The following ME1 variants were observed in gnomAD, a reference collection of about 807,000 sequenced individuals.
ME1 encodes malic enzyme 1.
A neutral mutation model predicts 66.4 loss-of-function variants in ME1; 74 were observed. That is an observed-to-expected ratio of 1.11 (90% CI 0.92 to 1.35). The LOEUF is 1.35. Among genes scored for constraint, ME1 ranks in the 40% most tolerant of loss-of-function variants. The probability of loss-of-function intolerance (pLI) is 0.00; values close to 1 mark genes in which losing one functional copy is unlikely to be tolerated. For missense variants in ME1, 750 were observed against 694.1 expected (o/e 1.08, Z -0.90); for synonymous variants, 251 against 235.6 (o/e 1.07, Z -0.60).
chr6:83,242,134 A>C (rs962672635), intron 7 of ME1, among the ~76,000 whole-genome samples: 3 of 152,224 alleles, frequency 2.0e-5, no homozygotes, highest in African/African-American at 7.2e-5. Flanking sequence ...AAGTGCTGGG[A>C]TTACAGGCGT....
intron 5 of ME1, among the ~76,000 whole-genome samples, chr6:83,341,632 A>G (rs1768587752): frequency 6.6e-6 from 1 of 152,202 alleles, no homozygotes; most frequent in African/African-American, 2.4e-5. Context: ...TTTATTTAAA[A>G]AGACAAGATA....
intron 2 of ME1, among the ~76,000 whole-genome samples, chr6:83,406,740 A>T (rs1170033106): frequency 6.6e-6 from 1 of 152,132 alleles, no homozygotes; most frequent in Non-Finnish European, 1.5e-5. Context: ...AATAAATCAG[A>T]TTACCCTCCA....
Position 83,230,925 on chromosome 6 carries a change from T to G in ME1, c.1027-1994A>C, listed in dbSNP as rs543140851. 2.0e-3 allele frequency among the ~76,000 whole-genome samples: 306 copies of G among 152,060 alleles called. 2 individuals carry two copies. Among genetic ancestry groups the G allele is most frequent in the Non-Finnish European group, 3.9e-3 (262 of 67,986 alleles). ...TCCAGCCTGGGCGACAGCGAGACTC[T>G]GTCTCAAAAAAATAAAAAATAAAAA... On this transcript the variant is annotated intron_variant, in intron 9 of 13. Transcript: ENST00000369705.
At chr6:83,272,403 G>T (rs1477930178) in intron 6 of ME1, among the ~76,000 whole-genome samples, 2 of 152,056 alleles carry the variant, frequency 1.3e-5, no homozygotes, top group Non-Finnish European at 2.9e-5. Context: ...AAGTGTTACA[G>T]AAGATAATTT....
intron 6 of ME1, among the ~76,000 whole-genome samples, chr6:83,282,666 A>G (rs947193236): frequency 3.2e-4 from 49 of 152,142 alleles, no homozygotes; most frequent in Non-Finnish European, 1.0e-4. Context: ...TGGTGGGAGT[A>G]TAAGTTAGTT....
At chr6:83,307,802 G>A (rs1767854061) in intron 6 of ME1, among the ~76,000 whole-genome samples, 1 of 151,968 alleles carries the variant, frequency 6.6e-6, no homozygotes. Flanking sequence ...CTATCTAACT[G>A]CAACCCTGAA....
At chr6:83,370,415 G>A (rs1769173465) in intron 3 of ME1, among the ~76,000 whole-genome samples, 1 of 152,104 alleles carries the variant, frequency 6.6e-6, no homozygotes, top group Admixed American at 6.6e-5. Context: ...CATATTTAAT[G>A]GGACAGATGA....
At chr6:83,275,464 C>CTTTTTT (rs767009219) in intron 6 of ME1, among the ~76,000 whole-genome samples, 1 of 119,722 alleles carries the variant, frequency 8.4e-6, no homozygotes, top group Non-Finnish European at 1.7e-5. Context: ...TAGTTTTGAT[C>CTTTTTT]TTTTTTTTTT....
At chr6:83,233,556 A>T (rs1790341453) in intron 9 of ME1, among the ~76,000 whole-genome samples, 2 of 152,088 alleles carry the variant, frequency 1.3e-5, no homozygotes, top group Admixed American at 1.3e-4. Context: ...TGGAATAATA[A>T]TTATCTAGCG....
chr6:83,376,804 C>CAAAAAAA (rs70987750), intron 3 of ME1, among the ~76,000 whole-genome samples: 6 of 87,124 alleles, frequency 6.9e-5, no homozygotes, highest in African/African-American at 1.6e-4. Context: ...CCCTGTCTCA[C>CAAAAAAA]AAAAAAAAAA....
At chr6:83,282,808 A>C (rs1767322194) in intron 6 of ME1, among the ~76,000 whole-genome samples, 1 of 152,196 alleles carries the variant, frequency 6.6e-6, no homozygotes, top group Non-Finnish European at 1.5e-5. Context: ...ACACATGCAC[A>C]TGTATGTTTG....
In ME1 at chr6:83,255,159, TTTTG is replaced by T. The variant is rs199657591; in HGVS notation, c.705-1425_705-1422del. On this transcript the variant is annotated intron_variant, in intron 6 of 13. Transcript: ENST00000369705. ...ACAGGTGAAAACTGGTGTTAACGTT[TTTTG>T]TTTGTTTGTTTGTTTTATTACTAGT... Among the ~76,000 whole-genome samples the T allele has an allele frequency of 1.3e-3, 199 of 152,118 alleles. 1 individual carries two copies. The highest frequency in any genetic ancestry group is 3.3e-3 in the African/African-American group (139 of 41,554).
Position 83,227,301 on chromosome 6 carries a change from GATT to G in ME1, c.1275+31_1275+33del, listed in dbSNP as rs749126836. The G allele has an allele frequency of 1.1e-5, 15 of 1,409,140 alleles. No homozygotes were observed. The South Asian group carries it at 2.5e-4, about 24-fold the overall frequency. 87.3% of individuals were successfully genotyped at this position (1,409,140 alleles called of 1,614,324 possible). ...GCCTCCCTATAATGAATAAAAATTT[GATT>G]ATTAAAATATCTGTTATAGTTTTAC... On this transcript the variant is annotated intron_variant, in intron 11 of 13. Transcript: ENST00000369705.
intron 7 of ME1, among the ~76,000 whole-genome samples, chr6:83,243,743 T>TA (rs1164228125): frequency 1.6e-5 from 2 of 128,618 alleles, no homozygotes; most frequent in African/African-American, 6.1e-5. Flanking sequence ...TATATAATTA[T>TA]ATTATATTAT....
At chr6:83,359,856 C>A (rs139832621) in intron 3 of ME1, among the ~76,000 whole-genome samples, 4,595 of 152,242 alleles carry the variant, frequency 0.03, 113 homozygotes, top group Non-Finnish European at 0.045. Flanking sequence ...CACTCAACTA[C>A]AAAATTTAAA....
intron 6 of ME1, among the ~76,000 whole-genome samples, chr6:83,289,144 T>C (rs1480119943): frequency 1.3e-5 from 2 of 152,220 alleles, no homozygotes; most frequent in Non-Finnish European, 2.9e-5. Flanking sequence ...CCCTTATTGC[T>C]TTCTCTTGCT....
chr6:83,378,800 G>C (rs1277148850), intron 3 of ME1, among the ~76,000 whole-genome samples: 1 of 151,156 alleles, frequency 6.6e-6, no homozygotes, highest in Admixed American at 6.6e-5. Flanking sequence ...TCAGCAACTT[G>C]TTCATCTGTT....
intron 6 of ME1, among the ~76,000 whole-genome samples, chr6:83,311,599 C>T (rs1767933003): frequency 6.6e-6 from 1 of 151,902 alleles, no homozygotes; most frequent in Admixed American, 6.6e-5. Context: ...ACAGGAAGGC[C>T]CAGAAAACAC....
intron 6 of ME1, among the ~76,000 whole-genome samples, chr6:83,265,652 T>C (rs1298630843): frequency 6.6e-6 from 1 of 152,154 alleles, no homozygotes; most frequent in African/African-American, 2.4e-5. Context: ...ACTTGCTTTA[T>C]TGTAGTATTT....
Sources: gnomAD v4.1 joint callset for allele counts (sites outside exome capture counted in the v4.1 genomes callset) on GRCh38, gnomAD v4.1.1 for gene constraint, MANE v1.5 for transcripts, NCBI Gene and HGNC (gene_info 2026-07-23, HGNC 2026-07-21) for gene names.